WAPL: variants seen among roughly 807,000 people sequenced by gnomAD.
WAPL encodes the protein wings apart-like protein homolog.
Under a neutral mutation model 121.0 loss-of-function variants are expected in WAPL, and 5 were observed. That is an observed-to-expected ratio of 0.04 (90% confidence interval 0.02 to 0.09). WAPL has a LOEUF of 0.09. Among genes scored for constraint, WAPL ranks in the 10% least tolerant of loss-of-function variants. WAPL has a pLI of 1.00. For missense variants in WAPL, 999 were observed against 1,410.8 expected (o/e 0.71, Z 4.68); for synonymous variants, 480 against 481.5 (o/e 1.00, Z 0.04).
intron 2 of WAPL, among the ~76,000 whole-genome samples, chr10:86,505,946 T>C (rs186675788): frequency 5.9e-5 from 9 of 152,258 alleles, no homozygotes; most frequent in African/African-American, 1.9e-4. Flanking sequence ...CAAGTAATTA[T>C]GGCATTTGCA....
At chr10:86,455,655 G>GA (rs1259173029) in intron 12 of WAPL, among the ~76,000 whole-genome samples, 5 of 79,018 alleles carry the variant, frequency 6.3e-5, no homozygotes, top group African/African-American at 2.6e-4. Flanking sequence ...CCCTCTCCGA[G>GA]AAACACCCAA....
At chr10:86,514,645 G>T (rs932373314) in intron 2 of WAPL, among the ~76,000 whole-genome samples, 1 of 152,100 alleles carries the variant, frequency 6.6e-6, no homozygotes, top group Non-Finnish European at 1.5e-5. Flanking sequence ...ACATAGACTG[G>T]GAAGCAATTA....
chr10:86,448,058 T>TA (rs1289499949), intron 15 of WAPL, among the ~76,000 whole-genome samples: 3 of 151,528 alleles, frequency 2.0e-5, no homozygotes, highest in South Asian at 2.1e-4. Context: ...CAAAAAAATT[T>TA]AAAAAAAAGA....
chr10:86,450,814 A>G (rs1024970671), intron 15 of WAPL, among the ~76,000 whole-genome samples: 1 of 152,228 alleles, frequency 6.6e-6, no homozygotes, highest in African/African-American at 2.4e-5. Flanking sequence ...TTCTGAGTCT[A>G]AGAAGAAAAG....
chr10:86,458,618 T>G (rs183452189), intron 12 of WAPL, among the ~76,000 whole-genome samples: 1 of 152,158 alleles, frequency 6.6e-6, no homozygotes, highest in Admixed American at 6.5e-5. Context: ...ATTTTTTATA[T>G]GTATTTTTAA....
intron 2 of WAPL, among the ~76,000 whole-genome samples, chr10:86,514,515 A>T (rs1003343848): frequency 6.6e-6 from 1 of 152,168 alleles, no homozygotes; most frequent in African/African-American, 2.4e-5. Flanking sequence ...GATGGACAAG[A>T]TGTTCCTGAA....
rs983980066 is a variant in WAPL, at chr10:86,472,777, G to A, written c.1741-13C>T. On this transcript the variant is annotated splice_polypyrimidine_tract_variant and intron_variant, in intron 5 of 18. Coordinates refer to ENST00000298767, the MANE Select transcript of WAPL (RefSeq NM_015045.5). This position sits in a 1 kb window ranked among gnomAD's most constrained non-coding sequence, Gnocchi z 4.2. ...AAGACAGCCTCACCTATTAATAAAG[G>A]TATTAAATTAGTTGTTCTAAATAAA... 8.8e-6 allele frequency: 14 copies of A among 1,593,600 alleles called. No homozygotes were observed. The highest frequency in any genetic ancestry group is 1.2e-5 in the Non-Finnish European group (14 of 1,171,840).
chr10:86,481,218 T>C (rs549099431), intron 4 of WAPL, among the ~76,000 whole-genome samples: 78 of 151,690 alleles, frequency 5.1e-4, no homozygotes, highest in Admixed American at 8.5e-4. Context: ...AGACAGAAAC[T>C]AAAGAAAAAA....
In WAPL at chr10:86,483,796, T is replaced by A. The variant is rs61594693; in HGVS notation, c.1645-9823A>T. Among the ~76,000 whole-genome samples, 25 of 7,226 alleles carry A rather than the reference T, an allele frequency of 3.5e-3. No individual in the cohort carries two copies. The South Asian group carries it at 0.049, about 14-fold the overall frequency. 4.7% of individuals were successfully genotyped at this position (7,226 alleles called of 152,430 possible). A position where few individuals can be genotyped will look rare whatever the true frequency, so the allele number is the denominator to read the frequency against. Reference sequence around the variant, plus strand: ...AAAAAAAAAAAAAATTTTTTTTTCTTTTTTTTTTTTTTTTTTTTTTGGCAG... The same window carrying A: ...AAAAAAAAAAAAAATTTTTTTTTCTATTTTTTTTTTTTTTTTTTTTGGCAG... On this transcript the variant is annotated intron_variant, in intron 4 of 18. Transcript: ENST00000298767.
intron 2 of WAPL, among the ~76,000 whole-genome samples, chr10:86,505,471 G>A (rs1316261720): frequency 6.7e-6 from 1 of 149,888 alleles, no homozygotes; most frequent in Non-Finnish European, 1.5e-5. Flanking sequence ...ATTTTTAGCA[G>A]AGACGGGGTT....
intron 17 of WAPL, among the ~76,000 whole-genome samples, chr10:86,440,774 G>C (rs1339698119): frequency 1.3e-5 from 2 of 151,984 alleles, no homozygotes; most frequent in African/African-American, 4.8e-5. Context: ...GGTACCCAGA[G>C]GGGCCACACA....
At chr10:86,460,037 C>T (rs1211913451) in intron 11 of WAPL, among the ~76,000 whole-genome samples, 4 of 152,098 alleles carry the variant, frequency 2.6e-5, no homozygotes, top group Admixed American at 1.3e-4. Context: ...TGCTTGAACC[C>T]GGGAAGCAGA....
chr10:86,496,309 G>A (rs1293584606), intron 4 of WAPL, among the ~76,000 whole-genome samples: 1 of 152,094 alleles, frequency 6.6e-6, no homozygotes, highest in East Asian at 1.9e-4. Flanking sequence ...GTAAGGATAC[G>A]AAGAAACTAG....
At chr10:86,492,418 G>GGA (rs780247135) in intron 4 of WAPL, among the ~76,000 whole-genome samples, 4 of 152,180 alleles carry the variant, frequency 2.6e-5, no homozygotes, top group Non-Finnish European at 5.9e-5. Context: ...TACTGGACTA[G>GGA]CACTCTGAAG....
intron 15 of WAPL, among the ~76,000 whole-genome samples, chr10:86,447,813 G>A (rs1221978158): frequency 6.6e-6 from 1 of 151,782 alleles, no homozygotes; most frequent in African/African-American, 2.4e-5. Context: ...ACTTTGGGAG[G>A]CTGAGGCAGG....
chr10:86,521,177 C>A (rs1437230235), intron 1 of WAPL, among the ~76,000 whole-genome samples, 188 bp downstream of exon 1: 1 of 152,114 alleles, frequency 6.6e-6, no homozygotes, highest in East Asian at 1.9e-4. Context: ...AGCAGTCGCC[C>A]GAAAAAGAAC....
intron 3 of WAPL, among the ~76,000 whole-genome samples, chr10:86,499,071 C>T (rs1842198616): frequency 6.6e-6 from 1 of 152,198 alleles, no homozygotes; most frequent in Non-Finnish European, 1.5e-5. Flanking sequence ...GTTTTCACTG[C>T]ATTTGCATTT....
intron 12 of WAPL, 51 bp from the exon 13 acceptor site, chr10:86,453,882 C>T (rs1162274172): frequency 3.8e-6 from 5 of 1,329,436 alleles, no homozygotes; most frequent in South Asian, 4.3e-5. Context: ...AATAGGTACA[C>T]AGCAAATTTC....
Position 86,521,740 on chromosome 10 carries a change from A to AT in WAPL, c.-399dup. ...CAGGGCCCTGAACCATCTCAACGCCATTTGCGCTCCCGGCCCCCACCTCCT... is the reference window on the plus strand; with the variant it reads ...CAGGGCCCTGAACCATCTCAACGCCATTTTGCGCTCCCGGCCCCCACCTCCT... On this transcript the variant is annotated 5_prime_UTR_variant, in exon 1 of 19. It adds an upstream start codon to the 5' untranslated region. Transcript: ENST00000298767. 2.2e-6 allele frequency: 1 copy of AT among 446,250 alleles called. No homozygotes were observed. Among genetic ancestry groups the AT allele is most frequent in the Non-Finnish European group, 4.6e-6 (1 of 216,770 alleles). 27.6% of individuals were successfully genotyped at this position (446,250 alleles called of 1,614,324 possible).
Sources: gnomAD v4.1 joint callset for allele counts (sites outside exome capture counted in the v4.1 genomes callset) on GRCh38, gnomAD v4.1.1 for gene constraint, Gnocchi (gnomAD v3.1) non-coding constraint, MANE v1.5 for transcripts, NCBI Gene and HGNC (gene_info 2026-07-23, HGNC 2026-07-21) for gene names.